CSGALNACT1: variants seen among roughly 807,000 people sequenced by gnomAD.
The protein encoded by CSGALNACT1 is beta4GalNAcT-1.
Under a neutral mutation model 51.0 loss-of-function variants are expected in CSGALNACT1, and 52 were observed. The ratio of observed to expected loss-of-function variants is 1.02; its 90% CI spans 0.82 to 1.29. The LOEUF (loss-of-function observed/expected upper bound fraction) is 1.29. Among genes scored for constraint, CSGALNACT1 ranks in the 50% most tolerant of loss-of-function variants. The probability of loss-of-function intolerance (pLI) is 0.00; values close to 1 mark genes in which losing one functional copy is unlikely to be tolerated. For synonymous variants in CSGALNACT1, 341 were observed against 254.4 expected, an observed-to-expected ratio of 1.34 and a Z score of -3.24; for missense variants, 935 against 679.2, an observed-to-expected ratio of 1.38 and a Z score of -4.19.
intron 1 of CSGALNACT1, among the ~76,000 whole-genome samples, chr8:19,708,431 T>C (rs10109456): frequency 2.0e-5 from 3 of 152,214 alleles, no homozygotes; most frequent in Admixed American, 6.5e-5. Context: ...GTCACATGGG[T>C]TCCATTATGA....
intron 3 of CSGALNACT1, among the ~76,000 whole-genome samples, chr8:19,512,019 T>C (rs952324480): frequency 6.6e-6 from 1 of 152,162 alleles, no homozygotes; most frequent in Admixed American, 6.5e-5. Context: ...CCTCCCTCAA[T>C]ACTGGGGATT....
intron 1 of CSGALNACT1, among the ~76,000 whole-genome samples, chr8:19,633,616 G>A (rs939519427): frequency 1.3e-5 from 2 of 152,190 alleles, no homozygotes; most frequent in Admixed American, 6.5e-5. Context: ...GTTGGAAGCT[G>A]GGAGGAGGCA....
rs560210407 is a variant in CSGALNACT1, at chr8:19,420,651, A to G, written c.954-133T>C. ...AACCTGAGGGCACTGGGACTCCCCA[A>G]GAAGTTACAGAACGGCCCAGACTCA... On this transcript the variant is annotated intron_variant, in intron 6 of 9. Coordinates refer to ENST00000454498, the Ensembl canonical transcript of CSGALNACT1. The G allele has an allele frequency of 2.8e-4, 252 of 908,308 alleles. No homozygotes were observed. In the African/African-American group the frequency reaches 3.0e-3, roughly 11 times the overall value. 56.3% of individuals were successfully genotyped at this position (908,308 alleles called of 1,614,324 possible). A position where few individuals can be genotyped will look rare whatever the true frequency, so the allele number is the denominator to read the frequency against.
intron 1 of CSGALNACT1, among the ~76,000 whole-genome samples, chr8:19,754,949 A>G (rs1348406200): frequency 6.6e-6 from 1 of 152,206 alleles, no homozygotes; most frequent in Non-Finnish European, 1.5e-5. Flanking sequence ...TAGCCCTAAT[A>G]TATAGTAGGG....
chr8:19,606,248 A>G (rs2051349918), upstream of CSGALNACT1, among the ~76,000 whole-genome samples: 1 of 152,232 alleles, frequency 6.6e-6, no homozygotes, highest in South Asian at 2.1e-4. Flanking sequence ...TATGTGGCTA[A>G]TTTTATATAT....
rs568685352 is a variant in CSGALNACT1, at chr8:19,627,709, C to G, written c.-543-25844G>C. 2.0e-5 allele frequency among the ~76,000 whole-genome samples: 3 copies of G among 152,222 alleles called. No individual in the cohort carries two copies. The South Asian group carries it at 6.2e-4, about 32-fold the overall frequency. ...GTATGGTGGCATGCACCTATAGTCC[C>G]AGCTACGTTGGAGGCTCAGGTGGGA... On this transcript the variant is annotated intron_variant, in intron 1 of 9. Transcript: ENST00000332246.
chr8:19,534,044 A>C (rs1401531022), intron 3 of CSGALNACT1, among the ~76,000 whole-genome samples: 1 of 152,182 alleles, frequency 6.6e-6, no homozygotes, highest in East Asian at 1.9e-4. Flanking sequence ...TCCTTTCAAA[A>C]TCTAAATTTA....
chr8:19,608,530 A>G (rs2051726520), intron 1 of CSGALNACT1, among the ~76,000 whole-genome samples: 2 of 152,240 alleles, frequency 1.3e-5, no homozygotes, highest in African/African-American at 2.4e-5. Context: ...TGCTACTACA[A>G]TCTCCACAGC....
chr8:19,447,879 G>A (rs776096328), intron 5 of CSGALNACT1, among the ~76,000 whole-genome samples: 2 of 152,198 alleles, frequency 1.3e-5, no homozygotes, highest in Non-Finnish European at 2.9e-5. Flanking sequence ...TTTCTTTACA[G>A]CAAACAAAAC....
chr8:19,666,943 A>AAAGAAAG (rs2059317042), intron 1 of CSGALNACT1, among the ~76,000 whole-genome samples: 9 of 79,478 alleles, frequency 1.1e-4, no homozygotes, highest in Admixed American at 2.7e-4. Flanking sequence ...GAGAGAGAGA[A>AAAGAAAG]AAAGAAAGAA....
intron 3 of CSGALNACT1, among the ~76,000 whole-genome samples, chr8:19,511,510 A>C (rs2078460472): frequency 6.6e-6 from 1 of 152,220 alleles, no homozygotes; most frequent in Non-Finnish European, 1.5e-5. Context: ...GCTCTCAAAA[A>C]TGGATATAAA....
At chr8:19,508,159 C>A (rs1378744011) in intron 3 of CSGALNACT1, among the ~76,000 whole-genome samples, 1 of 152,206 alleles carries the variant, frequency 6.6e-6, no homozygotes, top group East Asian at 1.9e-4. Context: ...CCAGTCAATT[C>A]ACACGTTCAG....
chr8:19,519,690 G>A (rs1383897087), intron 3 of CSGALNACT1, among the ~76,000 whole-genome samples: 1 of 152,198 alleles, frequency 6.6e-6, no homozygotes, highest in Non-Finnish European at 1.5e-5. Flanking sequence ...CCCTGGGTGA[G>A]ACACTCTGCT....
intron 1 of CSGALNACT1, among the ~76,000 whole-genome samples, chr8:19,674,380 G>A (rs1295021474): frequency 6.6e-6 from 1 of 152,160 alleles, no homozygotes. Flanking sequence ...TGGTATCTCA[G>A]CAGAGATCAG....
rs186793454 is a variant in CSGALNACT1 at position 19,539,367 on chromosome 8, T to C, written c.-296-33237A>G. Among the ~76,000 whole-genome samples, 29 of 152,308 alleles carry C rather than the reference T, an allele frequency of 1.9e-4. No individual in the cohort carries two copies. The East Asian group carries it at 5.6e-3, about 29-fold the overall frequency. ...CTGAAATTAATCTTATTAATGTTCT[T>C]ATTTATTATCTGCCTTCCCTTCAAG... is the stretch of plus-strand genomic sequence containing the variant. On this transcript the variant is annotated intron_variant, in intron 3 of 9. Coordinates refer to ENST00000454498, the Ensembl canonical transcript of CSGALNACT1.
intron 3 of CSGALNACT1, among the ~76,000 whole-genome samples, chr8:19,513,020 C>T (rs1051904340): frequency 1.3e-5 from 2 of 152,196 alleles, no homozygotes; most frequent in African/African-American, 4.8e-5. Context: ...ACCCACCAAG[C>T]TGCTTAAGCC....
At chr8:19,462,404 A>G (rs760384176) in intron 4 of CSGALNACT1, among the ~76,000 whole-genome samples, 5 of 152,232 alleles carry the variant, frequency 3.3e-5, no homozygotes, top group Admixed American at 2.6e-4. Context: ...TTAACTTTTA[A>G]AAATCAAAAT....
Position 19,450,701 on chromosome 8 carries a change from G to A in CSGALNACT1, c.851+7725C>T, listed in dbSNP as rs144982955. ...AAGTGATCTTTACAGATGATCACTT[G>A]AGGTCAGGAGTTTGAAACCAGCCTG... On this transcript the variant is annotated intron_variant, in intron 5 of 9. Transcript: ENST00000454498. Among the ~76,000 whole-genome samples, 93 of 152,212 alleles carry A rather than the reference G, an allele frequency of 6.1e-4. No homozygotes were observed. The East Asian group carries it at 0.012, about 20-fold the overall frequency.
At chr8:19,406,040 C>T (rs768320984) in exon 10 of CSGALNACT1, 2 of 1,614,172 alleles carry the variant, frequency 1.2e-6, no homozygotes, top group Non-Finnish European at 1.7e-6. Context: ...TCCTCTCCGC[C>T]CCAGCCTTTG....
Sources: allele counts gnomAD v4.1 joint callset (sites outside exome capture counted in the v4.1 genomes callset), GRCh38; gene constraint gnomAD v4.1.1; transcripts MANE v1.5; gene names NCBI Gene and HGNC (gene_info 2026-07-23, HGNC 2026-07-21).